RAP1GDS1: variants seen among roughly 807,000 people sequenced by gnomAD.
RAP1GDS1 encodes Rap1 GTPase-GDP dissociation stimulator 1, also known as RAP1, GTP-GDP dissociation stimulator 1.
A neutral mutation model predicts 71.1 loss-of-function variants in RAP1GDS1; 35 were observed. That is an observed-to-expected ratio of 0.49 (90% confidence interval 0.38 to 0.65). The LOEUF (loss-of-function observed/expected upper bound fraction) is 0.65. Among genes scored for constraint, RAP1GDS1 ranks in the 30% least tolerant of loss-of-function variants. The pLI, the probability that RAP1GDS1 is intolerant of heterozygous loss-of-function variation, is 0.00. For missense variants in RAP1GDS1, 663 were observed against 706.1 expected, an observed-to-expected ratio of 0.94 and a Z score of 0.69; for synonymous variants, 229 against 243.1, an observed-to-expected ratio of 0.94 and a Z score of 0.54.
At chr4:98,426,301 C>T (rs183878100) in intron 12 of RAP1GDS1, among the ~76,000 whole-genome samples, 3 of 152,076 alleles carry the variant, frequency 2.0e-5, no homozygotes, top group Non-Finnish European at 4.4e-5. Context: ...AATCTAAGGT[C>T]ACATTTCAAG....
chr4:98,295,262 C>T (rs1480539824), intron 2 of RAP1GDS1, among the ~76,000 whole-genome samples: 3 of 152,066 alleles, frequency 2.0e-5, no homozygotes, highest in African/African-American at 7.2e-5. Context: ...AATTGTGTAT[C>T]ACAAAATGTT....
At chr4:98,372,476 C>T (rs1740535006) in intron 4 of RAP1GDS1, among the ~76,000 whole-genome samples, 1 of 151,972 alleles carries the variant, frequency 6.6e-6, no homozygotes, top group African/African-American at 2.4e-5. Flanking sequence ...CCATTACTGG[C>T]TTCTGATGCC....
intron 2 of RAP1GDS1, among the ~76,000 whole-genome samples, chr4:98,313,570 G>A (rs1035572049): frequency 1.3e-5 from 2 of 152,126 alleles, no homozygotes; most frequent in African/African-American, 2.4e-5. Context: ...TGGGCCTGGT[G>A]TGGTAGCTCA....
At chr4:98,383,867 T>C (rs1171820837) in intron 5 of RAP1GDS1, among the ~76,000 whole-genome samples, 1 of 151,572 alleles carries the variant, frequency 6.6e-6, no homozygotes, top group African/African-American at 2.4e-5. Flanking sequence ...TACAATACTT[T>C]ATTACGGGTG....
intron 2 of RAP1GDS1, among the ~76,000 whole-genome samples, chr4:98,335,235 C>T (rs1345038814): frequency 6.6e-6 from 1 of 152,132 alleles, no homozygotes; most frequent in African/African-American, 2.4e-5. Flanking sequence ...TGGTGACTGT[C>T]CTACTGGCTT....
chr4:98,393,797 T>C (rs1184185498), intron 6 of RAP1GDS1, among the ~76,000 whole-genome samples: 2 of 152,186 alleles, frequency 1.3e-5, no homozygotes, highest in Non-Finnish European at 2.9e-5. Flanking sequence ...ATATAAAATC[T>C]CATCAATATT....
rs148198110 is a variant in RAP1GDS1 at position 98,306,477 on chromosome 4, T to C, written c.112+12962T>C. On this transcript the variant is annotated intron_variant, in intron 2 of 14. Transcript: ENST00000408927. ...AAGTCCTCACCTCATACTACTGTCA[T>C]ATTGGGGATTAAGTTTTAATACATG... Among the ~76,000 whole-genome samples the C allele has an allele frequency of 5.9e-5, 9 of 152,282 alleles. No individual in the cohort carries two copies. The East Asian group carries it at 1.5e-3, about 26-fold the overall frequency.
At chr4:98,363,265 G>GT (rs1739010045) in intron 4 of RAP1GDS1, among the ~76,000 whole-genome samples, 1 of 151,746 alleles carries the variant, frequency 6.6e-6, no homozygotes, top group Admixed American at 6.6e-5. Flanking sequence ...AGGCTCAAGG[G>GT]CTGCTTGAGG....
chr4:98,298,434 G>A (rs1290955786), intron 2 of RAP1GDS1, among the ~76,000 whole-genome samples: 3 of 152,200 alleles, frequency 2.0e-5, no homozygotes, highest in Non-Finnish European at 4.4e-5. Flanking sequence ...AGGGGCTAAT[G>A]CAGCTGGTGA....
At chr4:98,410,050 C>G (rs1746799730) in intron 7 of RAP1GDS1, among the ~76,000 whole-genome samples, 1 of 152,168 alleles carries the variant, frequency 6.6e-6, no homozygotes, top group African/African-American at 2.4e-5. Context: ...ACGAGGATCA[C>G]TTGAGACCAG....
chr4:98,406,090 G>C, intron 7 of RAP1GDS1, among the ~76,000 whole-genome samples: 1 of 151,886 alleles, frequency 6.6e-6, no homozygotes, highest in South Asian at 2.1e-4. Flanking sequence ...ACAAATGGAA[G>C]CGACTTATGG....
At chr4:98,390,167 C>G (rs182385359) in intron 5 of RAP1GDS1, among the ~76,000 whole-genome samples, 42 of 152,234 alleles carry the variant, frequency 2.8e-4, no homozygotes, top group Admixed American at 5.9e-4. Flanking sequence ...TAAATAATTT[C>G]TAACTTGGAA....
At chr4:98,426,439 G>A (rs1379062005) in intron 12 of RAP1GDS1, among the ~76,000 whole-genome samples, 2 of 152,014 alleles carry the variant, frequency 1.3e-5, no homozygotes, top group Non-Finnish European at 2.9e-5. Context: ...ACAAAAAGCT[G>A]ATTATTTGAG....
intron 12 of RAP1GDS1, among the ~76,000 whole-genome samples, chr4:98,425,756 T>C (rs1415174708): frequency 1.3e-5 from 2 of 152,094 alleles, no homozygotes; most frequent in Non-Finnish European, 2.9e-5. Flanking sequence ...AGAAACAAGA[T>C]AGACAGTAAC....
chr4:98,308,512 A>G (rs949865760), intron 2 of RAP1GDS1, among the ~76,000 whole-genome samples: 1 of 150,164 alleles, frequency 6.7e-6, no homozygotes, highest in East Asian at 1.9e-4. Context: ...AAAAACAAAA[A>G]GATTTTAAAC....
At chr4:98,301,406 A>G (rs17027452) in intron 2 of RAP1GDS1, among the ~76,000 whole-genome samples, 22,370 of 152,142 alleles carry the variant, frequency 0.15, 2,448 homozygotes, top group African/African-American at 0.3. Context: ...CTGGATTGCC[A>G]TAGGATGGTG....
intron 4 of RAP1GDS1, among the ~76,000 whole-genome samples, chr4:98,356,254 C>T (rs1165198008): frequency 6.6e-6 from 1 of 152,084 alleles, no homozygotes; most frequent in South Asian, 2.1e-4. Context: ...GGCCTATTTA[C>T]ACTTCCTTTT....
intron 5 of RAP1GDS1, among the ~76,000 whole-genome samples, chr4:98,391,383 T>A (rs779275007): frequency 5.5e-4 from 84 of 152,050 alleles, no homozygotes; most frequent in Non-Finnish European, 1.1e-3. Context: ...TTAGGTAACT[T>A]TTTTTTCTGG....
chr4:98,375,814 G>GCCATACA (rs1480703226), intron 4 of RAP1GDS1, among the ~76,000 whole-genome samples: 1 of 152,142 alleles, frequency 6.6e-6, no homozygotes, highest in African/African-American at 2.4e-5. Context: ...CATACACAAG[G>GCCATACA]AGGAAACGTA....
Sources: allele counts gnomAD v4.1 joint callset (sites outside exome capture counted in the v4.1 genomes callset), GRCh38; gene constraint gnomAD v4.1.1; transcripts MANE v1.5; gene names NCBI Gene and HGNC (gene_info 2026-07-23, HGNC 2026-07-21).